Variants in GVQW3 observed in about 807,000 individuals in gnomAD.
The protein encoded by GVQW3 is protein GVQW3.
A neutral mutation model predicts 12.5 loss-of-function variants in GVQW3; 7 were observed. The observed-to-expected ratio is 0.56, with a 90% CI of 0.32 to 1.05. The LOEUF (loss-of-function observed/expected upper bound fraction) is 1.05, where lower values mean the gene tolerates loss of function less well. GVQW3 is among the 50% of genes least tolerant of loss of function. The probability of loss-of-function intolerance (pLI) is 0.04; values close to 1 mark genes in which losing one functional copy is unlikely to be tolerated. For synonymous variants in GVQW3, 71 were observed against 67.2 expected, an observed-to-expected ratio of 1.06 and a Z score of -0.28; for missense variants, 188 against 190.8, an observed-to-expected ratio of 0.99 and a Z score of 0.09.
At chr11:76,409,603 T>A (rs1238085614), downstream of GVQW3, among the ~76,000 whole-genome samples, 1 of 152,222 alleles carries the variant, frequency 6.6e-6, no homozygotes, top group Non-Finnish European at 1.5e-5. Flanking sequence ...CCTTTCCTCC[T>A]CACCGCCCCT....
At chr11:76,399,575 G>A (rs1384111107) in intron 1 of GVQW3, among the ~76,000 whole-genome samples, 1 of 152,200 alleles carries the variant, frequency 6.6e-6, no homozygotes, top group Non-Finnish European at 1.5e-5. Context: ...TTCTGGGTGT[G>A]TCTGGGAGGG....
At chr11:76,384,039 C>T (rs755034417) in intron 1 of GVQW3, among the ~76,000 whole-genome samples, 1 of 152,216 alleles carries the variant, frequency 6.6e-6, no homozygotes, top group Admixed American at 6.5e-5. Flanking sequence ...CTCTTCTCTT[C>T]CTGCCTCTGC....
In GVQW3 at chr11:76,381,918, A is replaced by T; in HGVS notation, c.90A>T (p.Lys30Asn). The T allele has an allele frequency of 6.5e-7, 1 of 1,536,424 alleles. No individual in the cohort carries two copies. The highest frequency in any genetic ancestry group is 1.4e-5 in the African/African-American group (1 of 73,170). Residue 30 changes from lysine (K) to asparagine (N), a missense_variant, in exon 1 of 2, where the codon AAA becomes AAT. Lys to Asn is a moderately conservative substitution (Grantham distance 94). Transcript: ENST00000529331. ...CAAGTGAGACCCACCATCTTTTAAA[A>T]GAAGCTTATGGGGATGAAGTCATGT... ...KSASETHHLL[K>N]EAYGDEVMSR... is the part of the protein sequence containing the mutation.
At chr11:76,386,637 T>C (rs914975454) in intron 1 of GVQW3, among the ~76,000 whole-genome samples, 4 of 152,154 alleles carry the variant, frequency 2.6e-5, no homozygotes, top group African/African-American at 9.7e-5. Flanking sequence ...TGGGATTGGG[T>C]CTCAGCAAGG....
chr11:76,386,798 A>G (rs1417031237), intron 1 of GVQW3, among the ~76,000 whole-genome samples: 1 of 152,166 alleles, frequency 6.6e-6, no homozygotes, highest in African/African-American at 2.4e-5. Context: ...TATGTTCTAC[A>G]GTGTCTCCCT....
intron 1 of GVQW3, among the ~76,000 whole-genome samples, chr11:76,398,573 A>G (rs1239277088): frequency 6.6e-6 from 1 of 152,162 alleles, no homozygotes; most frequent in African/African-American, 2.4e-5. Context: ...ATGGCCTCCC[A>G]AAGTGCTGGG....
At chr11:76,398,031 A>T (rs1185163167) in intron 1 of GVQW3, among the ~76,000 whole-genome samples, 1 of 150,658 alleles carries the variant, frequency 6.6e-6, no homozygotes, top group African/African-American at 2.4e-5. Flanking sequence ...GCTACTCGGG[A>T]GGCTGAGGTA....
intron 1 of GVQW3, among the ~76,000 whole-genome samples, chr11:76,398,617 T>C (rs1388883694): frequency 2.0e-5 from 3 of 152,108 alleles, no homozygotes; most frequent in Non-Finnish European, 2.9e-5. Context: ...CTGGCCTCAA[T>C]TTTCTTTAAA....
Position 76,381,681 on chromosome 11 carries a change from C to A in GVQW3, c.-148C>A. 1 of 751,006 alleles carries A rather than the reference C, an allele frequency of 1.3e-6. No homozygotes were observed. The highest frequency in any genetic ancestry group is 2.0e-6 in the Non-Finnish European group (1 of 489,916). 46.5% of individuals were successfully genotyped at this position (751,006 alleles called of 1,614,324 possible). On this transcript the variant is annotated 5_prime_UTR_variant, in exon 1 of 2. Coordinates refer to ENST00000529331, the MANE Select transcript of GVQW3 (RefSeq NM_001347885.2). ...GACTGGAAGCTGAGGGACAAAAATT[C>A]ATAAAAGCAATTACTCTTTCCCGGC...
intron 1 of GVQW3, among the ~76,000 whole-genome samples, chr11:76,386,050 G>A (rs1438950265): frequency 6.6e-6 from 1 of 152,204 alleles, no homozygotes; most frequent in Non-Finnish European, 1.5e-5. Flanking sequence ...ACTTTCTCAA[G>A]CTTAACACCA....
At chr11:76,402,315 G>A (rs1946997455) in intron 1 of GVQW3, among the ~76,000 whole-genome samples, 1 of 152,178 alleles carries the variant, frequency 6.6e-6, no homozygotes, top group Non-Finnish European at 1.5e-5. Flanking sequence ...CACTTTGGGA[G>A]GCTGAGGTGG....
Position 76,381,949 on chromosome 11 carries a change from G to T in GVQW3, c.121G>T (p.Ala41Ser), listed in dbSNP as rs899286067. 6.5e-7 allele frequency: 1 copy of T among 1,536,388 alleles called. No homozygotes were observed. Among genetic ancestry groups the T allele is most frequent in the Admixed American group, 2.0e-5 (1 of 51,000 alleles). ...EAYGDEVMSR[A>S]RVFDWHKRFK... The stretch of plus-strand genomic sequence containing the variant: ...TTATGGGGATGAAGTCATGTCAAGG[G>T]CCAGAGTTTTTGACTGGCACAAAAG... Residue 41 changes from alanine (A) to serine (S), a missense_variant, in exon 1 of 2, where the codon GCC (alanine) becomes TCC (serine). Coordinates refer to ENST00000529331, the MANE Select transcript of GVQW3 (RefSeq NM_001347885.2).
At position 76,404,088 on chromosome 11, in the gene GVQW3, A is replaced by G. The variant is rs978407442; in HGVS notation, c.*330A>G. 2.2e-6 allele frequency: 1 copy of G among 461,994 alleles called. No homozygotes were observed. Among genetic ancestry groups the G allele is most frequent in the African/African-American group, 2.0e-5 (1 of 49,966 alleles). 28.6% of individuals were successfully genotyped at this position (461,994 alleles called of 1,614,324 possible). On this transcript the variant is annotated 3_prime_UTR_variant, in exon 2 of 2. Transcript: ENST00000529331. ...TACCCCATGATCCAGTCAAGTGAAC[A>G]TATAAAATTGGCTGTCACATCTCCA... is the stretch of plus-strand genomic sequence containing the variant.
chr11:76,389,448 G>A (rs930640106), intron 1 of GVQW3, among the ~76,000 whole-genome samples: 1 of 150,156 alleles, frequency 6.7e-6, no homozygotes, highest in Admixed American at 6.8e-5. Context: ...GAGGCTATAT[G>A]ATCTTGTGTT....
At position 76,382,290 on chromosome 11, in the gene GVQW3, A is replaced by C. The variant is rs1324136558; in HGVS notation, c.462A>C (p.Lys154Asn). The C allele has an allele frequency of 1.3e-6, 2 of 1,506,228 alleles. No individual in the cohort carries two copies. The highest frequency in any genetic ancestry group is 3.9e-5 in the Admixed American group (2 of 50,976). The allele number at this position is 1,506,228 out of a possible 1,614,324, so 93.3% of individuals were successfully genotyped here. A position where few individuals can be genotyped will look rare whatever the true frequency, so the allele number is the denominator to read the frequency against. The change falls in exon 1 of 2, where the codon AAA (lysine) becomes AAC (asparagine). Residue 154 changes from lysine to asparagine, a missense_variant. By Grantham distance (94) the Lys-to-Asn change is moderately conservative. Transcript: ENST00000529331. ...ETRKNSSCLR[K>N]KRRNLTMLPR... ...GGAAAAATAGCTCATGTTTGAGGAA[A>C]AAGGTAACAGGTTCTGAAACATGGA...
chr11:76,408,398 T>A (rs995609903), downstream of GVQW3: 1 of 152,178 alleles, frequency 6.6e-6, no homozygotes, highest in African/African-American at 2.4e-5. Flanking sequence ...TGTAAGTTAG[T>A]CTTTGACTTT....
intron 1 of GVQW3, among the ~76,000 whole-genome samples, chr11:76,385,310 T>C (rs1362844697): frequency 6.6e-6 from 1 of 152,212 alleles, no homozygotes; most frequent in African/African-American, 2.4e-5. Flanking sequence ...AGTTCTTATA[T>C]GAGTACTCCT....
At chr11:76,399,535 G>A (rs368336309) in intron 1 of GVQW3, among the ~76,000 whole-genome samples, 13 of 152,126 alleles carry the variant, frequency 8.5e-5, no homozygotes, top group African/African-American at 3.1e-4. Flanking sequence ...TCTGGACCAC[G>A]GGGTGCCCAC....
intron 1 of GVQW3, among the ~76,000 whole-genome samples, chr11:76,388,454 A>C (rs1435369260): frequency 6.6e-6 from 1 of 152,136 alleles, no homozygotes; most frequent in Non-Finnish European, 1.5e-5. Context: ...TCAGCATTGA[A>C]CAGTCCATTA....
Sources: gnomAD v4.1 joint callset for allele counts (sites outside exome capture counted in the v4.1 genomes callset) on GRCh38, gnomAD v4.1.1 for gene constraint, MANE v1.5 for transcripts, NCBI Gene and HGNC (gene_info 2026-07-23, HGNC 2026-07-21) for gene names.